Variants in POTEH observed in about 807,000 individuals in gnomAD.
POTEH encodes the protein POTE ankyrin domain family member H.
In POTEH, 6 loss-of-function variants were observed where a neutral mutation model predicts 41.7. That is an observed-to-expected ratio of 0.14 (90% confidence interval 0.08 to 0.28). The LOEUF (loss-of-function observed/expected upper bound fraction) is 0.28. Among genes scored for constraint, POTEH ranks in the 10% least tolerant of loss-of-function variants. The pLI, the probability that POTEH is intolerant of heterozygous loss-of-function variation, is 1.00. For synonymous variants in POTEH, 38 were observed against 179.9 expected, an observed-to-expected ratio of 0.21 and a Z score of 6.31; for missense variants, 115 against 533.5, an observed-to-expected ratio of 0.22 and a Z score of 7.73.
intron 1 of POTEH, among the ~76,000 whole-genome samples, chr22:15,693,381 G>C (rs1344677511): frequency 1.3e-5 from 2 of 152,110 alleles, no homozygotes; most frequent in South Asian, 4.2e-4. Context: ...TTTTATTTCT[G>C]TGGTTGGCTA....
At chr22:15,691,394 C>A (rs1381012476) in intron 1 of POTEH, among the ~76,000 whole-genome samples, 1 of 126,954 alleles carries the variant, frequency 7.9e-6, no homozygotes, top group Non-Finnish European at 1.8e-5. Context: ...GACGCGGTGG[C>A]AGGCACCTGT....
At chr22:15,691,981 G>GATATATATATATAT (rs1403078945) in intron 1 of POTEH, among the ~76,000 whole-genome samples, 34 of 122,980 alleles carry the variant, frequency 2.8e-4, no homozygotes, top group Non-Finnish European at 3.7e-4. Context: ...TACATATGCA[G>GATATATATATATAT]ATACATATAT....
intron 9 of POTEH, 124 bp from the exon 10 acceptor site, chr22:15,719,536 T>C (rs1456171823): frequency 2.4e-6 from 2 of 819,994 alleles, no homozygotes; most frequent in African/African-American, 3.6e-5. Context: ...TGAGACCCCT[T>C]TGCCTTGTAT....
At chr22:15,712,899 T>G (rs543686743) in intron 9 of POTEH, among the ~76,000 whole-genome samples, 1 of 148,370 alleles carries the variant, frequency 6.7e-6, no homozygotes, top group South Asian at 2.3e-4. Flanking sequence ...AAAATGATAA[T>G]CAGCTTATGT....
intron 1 of POTEH, 128 bp downstream of exon 1, chr22:15,690,837 C>A: frequency 8.1e-7 from 1 of 1,232,936 alleles, no homozygotes; most frequent in Non-Finnish European, 1.1e-6. Flanking sequence ...GATGTGGAAA[C>A]CTCAGAGAGT....
intron 1 of POTEH, among the ~76,000 whole-genome samples, chr22:15,691,114 G>T (rs1182743889): frequency 6.9e-6 from 1 of 144,034 alleles, no homozygotes; most frequent in East Asian, 2.0e-4. Flanking sequence ...AATCCAGTAT[G>T]GATTTTATAT....
chr22:15,690,896 G>C lies in POTEH; in HGVS notation c.632+187G>C. Among the ~76,000 whole-genome samples the C allele has an allele frequency of 1.5e-5, 2 of 130,026 alleles. 1 individual carries two copies. Among genetic ancestry groups the C allele is most frequent in the Non-Finnish European group, 3.5e-5 (2 of 56,836 alleles). The allele number at this position is 130,026 out of a possible 152,430, so 85.3% of individuals were successfully genotyped here. On this transcript the variant is annotated intron_variant, in intron 1 of 10. Coordinates refer to ENST00000343518, the MANE Select transcript of POTEH (RefSeq NM_001136213.1). ...GCAGCAACACAAAAACAAAACTTTA[G>C]CTGATTTCCAATCAAATCATAATTT...
chr22:15,712,852 A>T, intron 9 of POTEH, among the ~76,000 whole-genome samples: 1 of 147,318 alleles, frequency 6.8e-6, no homozygotes, highest in African/African-American at 2.5e-5. Flanking sequence ...TGAGACCTTT[A>T]GTATTTCTTG....
At position 15,691,985 on chromosome 22, in the gene POTEH, C is replaced by CATATATAT. The variant is rs142856307; in HGVS notation, c.632+1292_632+1299dup. 5.1e-3 allele frequency among the ~76,000 whole-genome samples: 636 copies of CATATATAT among 124,390 alleles called. 20 individuals carry two copies. Among genetic ancestry groups the CATATATAT allele is most frequent in the South Asian group, 0.021 (83 of 3,898 alleles). The allele number at this position is 124,390 out of a possible 152,430, so 81.6% of individuals were successfully genotyped here. A position where few individuals can be genotyped will look rare whatever the true frequency, so the allele number is the denominator to read the frequency against. ...AAGTGCCTATTTACATATGCAGATA[C>CATATATAT]ATATATATATATATATATATATAAA... is the stretch of plus-strand genomic sequence containing the variant. On this transcript the variant is annotated intron_variant, in intron 1 of 10. Coordinates refer to ENST00000343518, the MANE Select transcript of POTEH (RefSeq NM_001136213.1).
At chr22:15,699,285 C>CT (rs1262580204) in intron 4 of POTEH, 1 of 171,410 alleles carries the variant, frequency 5.8e-6, no homozygotes, top group Non-Finnish European at 1.2e-5. Flanking sequence ...GGTTCAACAG[C>CT]TTTTTTCCTT....
At chr22:15,692,009 A>ATAT (rs1421248855) in intron 1 of POTEH, among the ~76,000 whole-genome samples, 1 of 128,636 alleles carries the variant, frequency 7.8e-6, no homozygotes, top group Admixed American at 8.1e-5. Flanking sequence ...TATATATATA[A>ATAT]ATTTCTTTTT....
intron 9 of POTEH, among the ~76,000 whole-genome samples, chr22:15,712,672 A>G (rs1989846084): frequency 1.3e-5 from 1 of 74,732 alleles, no homozygotes; most frequent in Admixed American, 1.7e-4. Flanking sequence ...CAGTGACTTC[A>G]TATAATTTTA....
rs1374251701 is a variant in POTEH, at chr22:15,690,060, C to G, written c.-18C>G. ...GATCTGCTGGCTACTACCGGCCTTC[C>G]CTGGCTGTTAAAAGCAGATGGTGGC... On this transcript the variant is annotated 5_prime_UTR_variant, in exon 1 of 11. Transcript: ENST00000343518. The G allele has an allele frequency of 7.2e-7, 1 of 1,398,050 alleles. No homozygotes were observed. Among genetic ancestry groups the G allele is most frequent in the Non-Finnish European group, 9.9e-7 (1 of 1,008,070 alleles). 86.6% of individuals were successfully genotyped at this position (1,398,050 alleles called of 1,614,324 possible). A position where few individuals can be genotyped will look rare whatever the true frequency, so the allele number is the denominator to read the frequency against.
intron 9 of POTEH, among the ~76,000 whole-genome samples, chr22:15,711,366 C>T (rs1211479602): frequency 2.0e-5 from 3 of 152,004 alleles, no homozygotes; most frequent in African/African-American, 4.9e-5. Context: ...AAGCAAAATA[C>T]TCGAATGGTA....
intron 1 of POTEH, among the ~76,000 whole-genome samples, chr22:15,692,580 C>T (rs558317491): frequency 4.4e-5 from 5 of 113,356 alleles, no homozygotes; most frequent in African/African-American, 1.6e-4. Context: ...GTGGTGAAAT[C>T]CTATCTCTAC....
intron 6 of POTEH, 107 bp from the exon 7 acceptor site, chr22:15,707,911 ACT>A: frequency 6.9e-7 from 1 of 1,439,486 alleles, no homozygotes; most frequent in South Asian, 1.4e-5. Context: ...AAGATTAAAC[ACT>A]CAATTTATGA....
At chr22:15,711,444 C>G (rs1989821780) in intron 9 of POTEH, among the ~76,000 whole-genome samples, 3 of 151,046 alleles carry the variant, frequency 2.0e-5, no homozygotes, top group African/African-American at 7.4e-5. Flanking sequence ...TTATTCTCCT[C>G]TTTGTGTCCA....
chr22:15,712,922 T>C (rs2123845156), intron 9 of POTEH, among the ~76,000 whole-genome samples: 1 of 149,046 alleles, frequency 6.7e-6, no homozygotes, highest in South Asian at 2.3e-4. Context: ...TCTAGAAATG[T>C]TCTAGGGGCC....
intron 8 of POTEH, 88 bp from the exon 9 acceptor site, chr22:15,710,780 T>TAA: frequency 6.3e-7 from 1 of 1,583,910 alleles, no homozygotes; most frequent in African/African-American, 1.4e-5. Flanking sequence ...AAAATAATGA[T>TAA]AAACTGGTCA....
Sources: allele counts gnomAD v4.1 joint callset (sites outside exome capture counted in the v4.1 genomes callset), GRCh38; gene constraint gnomAD v4.1.1; transcripts MANE v1.5; gene names NCBI Gene and HGNC (gene_info 2026-07-23, HGNC 2026-07-21).